Variants in MAP2K5 observed in about 807,000 individuals in gnomAD.
MAP2K5 encodes mitogen-activated protein kinase kinase 5, also known as dual specificity mitogen-activated protein kinase kinase 5.
In MAP2K5, 49 loss-of-function variants were observed where a neutral mutation model predicts 83.1. The observed-to-expected ratio is 0.59, with a 90% confidence interval of 0.47 to 0.75. The LOEUF is 0.75. Among genes scored for constraint, MAP2K5 ranks in the 30% least tolerant of loss-of-function variants. The pLI, the probability that MAP2K5 is intolerant of heterozygous loss-of-function variation, is 0.00. For synonymous variants in MAP2K5, 202 were observed against 191.8 expected (o/e 1.05, Z -0.44); for missense variants, 457 against 557.5 (o/e 0.82, Z 1.82).
chr15:67,797,864 G>A (rs1194334591), intron 21 of MAP2K5, among the ~76,000 whole-genome samples: 1 of 152,074 alleles, frequency 6.6e-6, no homozygotes, highest in Non-Finnish European at 1.5e-5. Context: ...TGTATTTTTA[G>A]TAGAGACAGG....
In MAP2K5 at chr15:67,746,434, G is replaced by C. The variant is rs373106048; in HGVS notation, c.1075-1797G>C. On this transcript the variant is annotated intron_variant, in intron 17 of 21. Coordinates refer to ENST00000178640, the MANE Select transcript of MAP2K5 (RefSeq NM_145160.3). This position sits in a 1 kb window ranked among gnomAD's most constrained non-coding sequence, Gnocchi z 4.1. ...TATATCTTACTAGGAATGTAGGGGT[G>C]GGGGGAGTATCAGTGTGTGCTTGAA... Among the ~76,000 whole-genome samples the C allele has an allele frequency of 2.0e-5, 3 of 151,858 alleles. No individual in the cohort carries two copies. Among genetic ancestry groups the C allele is most frequent in the African/African-American group, 4.8e-5 (2 of 41,382 alleles).
chr15:67,805,456 C>T (rs1015207982), intron 21 of MAP2K5, among the ~76,000 whole-genome samples: 1 of 152,346 alleles, frequency 6.6e-6, no homozygotes, highest in South Asian at 2.1e-4. Flanking sequence ...GTGATGAGCT[C>T]GTGGCGAGGC....
In MAP2K5 at chr15:67,750,102, G is replaced by C. The variant is rs576242713; in HGVS notation, c.1134+1501G>C. ...CTGTTCAATTTAAAATATCTTACTT[G>C]TTTAATTTGGGCAAAATCATGAGAC... is the stretch of plus-strand genomic sequence containing the variant. On this transcript the variant is annotated intron_variant, in intron 19 of 21. Transcript: ENST00000178640. The surrounding 1 kb of genome is among the most constrained non-coding windows in gnomAD (Gnocchi z 4.2). Among the ~76,000 whole-genome samples, 105 of 152,208 alleles carry C rather than the reference G, an allele frequency of 6.9e-4. No individual in the cohort carries two copies. The highest frequency in any genetic ancestry group is 3.4e-3 in the Middle Eastern group (1 of 294).
At chr15:67,578,049 T>C (rs988807310) in intron 3 of MAP2K5, among the ~76,000 whole-genome samples, 5 of 152,166 alleles carry the variant, frequency 3.3e-5, no homozygotes, top group African/African-American at 9.7e-5. Flanking sequence ...CTTGCTGTCT[T>C]CTCTGTTTTC....
Position 67,782,614 on chromosome 15 carries a change from G to T in MAP2K5, c.1242+9862G>T, listed in dbSNP as rs566540095. Among the ~76,000 whole-genome samples, 1 of 152,142 alleles carries T rather than the reference G, an allele frequency of 6.6e-6. No homozygotes were observed. Among genetic ancestry groups the T allele is most frequent in the Non-Finnish European group, 1.5e-5 (1 of 68,018 alleles). ...CTATGAAGGGCCCCCGTGTTTAAACGGGCTTGACAGGAATTTAAATTTTGT... is the reference window on the plus strand; with the variant it reads ...CTATGAAGGGCCCCCGTGTTTAAACTGGCTTGACAGGAATTTAAATTTTGT... On this transcript the variant is annotated intron_variant, in intron 21 of 21. Coordinates refer to ENST00000178640, the MANE Select transcript of MAP2K5 (RefSeq NM_145160.3). This position sits in a 1 kb window ranked among gnomAD's most constrained non-coding sequence, Gnocchi z 4.9.
chr15:67,766,055 G>A (rs913133624), intron 19 of MAP2K5, among the ~76,000 whole-genome samples: 4 of 152,158 alleles, frequency 2.6e-5, no homozygotes, highest in African/African-American at 7.2e-5. Context: ...CAGTTGTTTA[G>A]CAAAAGGGGC....
At chr15:67,689,250 T>A (rs955082948) in intron 13 of MAP2K5, among the ~76,000 whole-genome samples, 3 of 152,158 alleles carry the variant, frequency 2.0e-5, no homozygotes, top group African/African-American at 7.2e-5. Flanking sequence ...ATACATACAT[T>A]ACATACATAA....
intron 16 of MAP2K5, among the ~76,000 whole-genome samples, chr15:67,714,086 A>T (rs2088767776): frequency 6.6e-6 from 1 of 152,158 alleles, no homozygotes; most frequent in African/African-American, 2.4e-5. Context: ...AAGTGCTGGG[A>T]TACATTGGCA....
chr15:67,593,848 C>A (rs2085467356), intron 7 of MAP2K5, among the ~76,000 whole-genome samples: 1 of 152,220 alleles, frequency 6.6e-6, no homozygotes, highest in Non-Finnish European at 1.5e-5. Flanking sequence ...TATTCAGTGC[C>A]TTCACACACT....
intron 16 of MAP2K5, among the ~76,000 whole-genome samples, chr15:67,723,748 CT>C (rs2089023949): frequency 1.3e-5 from 2 of 150,910 alleles, no homozygotes; most frequent in African/African-American, 4.9e-5. Flanking sequence ...TTTCAGTACA[CT>C]TTTTAAAAAA....
At chr15:67,588,215 C>G (rs940429869) in intron 6 of MAP2K5, 3 of 409,454 alleles carry the variant, frequency 7.3e-6, no homozygotes, top group Non-Finnish European at 9.9e-6. Flanking sequence ...TCCCACCTGA[C>G]ATTCCAGCTT....
chr15:67,721,503 G>C (rs1303357759), intron 16 of MAP2K5, among the ~76,000 whole-genome samples: 1 of 152,216 alleles, frequency 6.6e-6, no homozygotes, highest in Non-Finnish European at 1.5e-5. Flanking sequence ...GGCATAATGA[G>C]TTATTTGCTG....
intron 13 of MAP2K5, among the ~76,000 whole-genome samples, chr15:67,691,155 CT>C (rs2088104448): frequency 6.6e-6 from 1 of 152,184 alleles, no homozygotes; most frequent in African/African-American, 2.4e-5. Context: ...TCTTTATTCA[CT>C]CATCCATTCA....
At chr15:67,658,170 A>G (rs778303461) in intron 11 of MAP2K5, among the ~76,000 whole-genome samples, 20 of 152,130 alleles carry the variant, frequency 1.3e-4, no homozygotes, top group Non-Finnish European at 2.5e-4. Flanking sequence ...AAATTCTAAG[A>G]TATTACCCTG....
intron 16 of MAP2K5, among the ~76,000 whole-genome samples, chr15:67,711,508 C>T (rs1449260523): frequency 6.6e-6 from 1 of 152,200 alleles, no homozygotes; most frequent in African/African-American, 2.4e-5. Flanking sequence ...GGAAAAAAGC[C>T]ATTATCCCCT....
chr15:67,664,694 T>A, intron 13 of MAP2K5, 49 bp downstream of exon 13: 15 of 1,165,890 alleles, frequency 1.3e-5, no homozygotes, highest in Middle Eastern at 1.9e-4. Context: ...TGGGGTTGGG[T>A]CTCTCCAGAT....
At chr15:67,671,861 G>T (rs2087548181) in intron 13 of MAP2K5, among the ~76,000 whole-genome samples, 1 of 132,174 alleles carries the variant, frequency 7.6e-6, no homozygotes, top group African/African-American at 2.9e-5. Flanking sequence ...CCCTTCCTGT[G>T]TCCATGTGTT....
At chr15:67,596,929 T>G (rs1208160955) in intron 7 of MAP2K5, among the ~76,000 whole-genome samples, 1 of 152,112 alleles carries the variant, frequency 6.6e-6, no homozygotes, top group African/African-American at 2.4e-5. Context: ...CCCAGCACTT[T>G]GGGAGGCCGA....
intron 8 of MAP2K5, among the ~76,000 whole-genome samples, chr15:67,622,162 A>AG: frequency 6.6e-6 from 1 of 151,646 alleles, no homozygotes; most frequent in East Asian, 1.9e-4. Context: ...AAAAAAAAAA[A>AG]AAGAAGATGA....
Sources: gnomAD v4.1 joint callset for allele counts (sites outside exome capture counted in the v4.1 genomes callset) on GRCh38, gnomAD v4.1.1 for gene constraint, Gnocchi (gnomAD v3.1) non-coding constraint, MANE v1.5 for transcripts, NCBI Gene and HGNC (gene_info 2026-07-23, HGNC 2026-07-21) for gene names.